NRG4: variants seen among roughly 807,000 people sequenced by gnomAD.
NRG4 encodes the protein pro-neuregulin-4, membrane-bound isoform.
A neutral mutation model predicts 15.0 loss-of-function variants in NRG4; 10 were observed. The observed-to-expected ratio is 0.67, with a 90% CI of 0.41 to 1.13. The LOEUF (loss-of-function observed/expected upper bound fraction) is 1.13. NRG4 is among the 50% of genes most tolerant of loss of function. The pLI, the probability that NRG4 is intolerant of heterozygous loss-of-function variation, is 0.00. For missense variants in NRG4, 139 were observed against 140.2 expected, an observed-to-expected ratio of 0.99 and a Z score of 0.04; for synonymous variants, 41 against 50.1, an observed-to-expected ratio of 0.82 and a Z score of 0.77.
chr15:76,027,713 G>A (rs1031653327), intron 5 of NRG4, among the ~76,000 whole-genome samples: 1 of 151,922 alleles, frequency 6.6e-6, no homozygotes, highest in African/African-American at 2.4e-5. Flanking sequence ...TTTTCAGAAC[G>A]TTTCACCCAA....
At chr15:75,969,178 T>C (rs1302443374) in intron 3 of NRG4, 2 of 456,050 alleles carry the variant, frequency 4.4e-6, no homozygotes, top group Non-Finnish European at 8.8e-6. Flanking sequence ...GAAAATCTCA[T>C]GCCCAACTTG....
intron 3 of NRG4, among the ~76,000 whole-genome samples, chr15:75,967,213 A>G (rs12899204): frequency 0.25 from 37,354 of 151,656 alleles, 5,555 homozygotes; most frequent in Non-Finnish European, 0.33. Context: ...GCCGAGAAAC[A>G]GTGAGAGAAG....
chr15:75,974,660 G>T (rs2033281794), intron 3 of NRG4, among the ~76,000 whole-genome samples: 1 of 152,172 alleles, frequency 6.6e-6, no homozygotes, highest in African/African-American at 2.4e-5. Flanking sequence ...CCATGTAGTT[G>T]TGTGGCTTTG....
At chr15:76,023,999 G>C (rs1198473184) in intron 5 of NRG4, among the ~76,000 whole-genome samples, 1 of 152,192 alleles carries the variant, frequency 6.6e-6, no homozygotes, top group Non-Finnish European at 1.5e-5. Flanking sequence ...ACAAGCCTAG[G>C]ACCTGAGAGA....
intron 4 of NRG4, among the ~76,000 whole-genome samples, chr15:76,038,707 C>G (rs1020228744): frequency 6.6e-6 from 1 of 152,190 alleles, no homozygotes; most frequent in Non-Finnish European, 1.5e-5. Flanking sequence ...GGGAAGGACA[C>G]AAGCCTGGTT....
chr15:75,937,608 C>G (rs2030503019), downstream of NRG4: 1 of 150,774 alleles, frequency 6.6e-6, no homozygotes, highest in Non-Finnish European at 1.5e-5. Context: ...AATGCCCAAT[C>G]ATCTGCAGAA....
At chr15:75,966,094 G>A (rs993044383) in intron 3 of NRG4, among the ~76,000 whole-genome samples, 1 of 151,912 alleles carries the variant, frequency 6.6e-6, no homozygotes, top group South Asian at 2.1e-4. Context: ...TATACAAATT[G>A]GTTTTCTGGC....
intron 5 of NRG4, among the ~76,000 whole-genome samples, chr15:76,031,704 G>T (rs1230938840): frequency 1.3e-5 from 2 of 152,004 alleles, no homozygotes; most frequent in Admixed American, 1.3e-4. Context: ...TCTCTCCAAA[G>T]ATTAGCTGGA....
chr15:76,024,480 A>C (rs956957628), intron 5 of NRG4, among the ~76,000 whole-genome samples: 3 of 152,214 alleles, frequency 2.0e-5, no homozygotes, highest in Non-Finnish European at 4.4e-5. Flanking sequence ...CCCCTGACAG[A>C]CATGCCCTCA....
intron 3 of NRG4, chr15:75,969,160 A>C (rs1480383632): frequency 2.2e-6 from 1 of 455,996 alleles, no homozygotes; most frequent in African/African-American, 2.0e-5. Context: ...ACAACCTTCT[A>C]ATGCAGGGAA....
At chr15:75,955,826 G>A (rs918399943) in intron 5 of NRG4, 106 bp downstream of exon 5, 8 of 545,756 alleles carry the variant, frequency 1.5e-5, no homozygotes, top group South Asian at 6.7e-5. Context: ...GAAAAGTTTA[G>A]GCTCAACCTT....
intron 3 of NRG4, among the ~76,000 whole-genome samples, chr15:75,967,456 A>ATTTTTTTTT (rs71140189): frequency 3.0e-5 from 3 of 100,200 alleles, no homozygotes; most frequent in Non-Finnish European, 3.8e-5. Flanking sequence ...AAAATCTTAG[A>ATTTTTTTTT]TTTTTTTTTT....
intron 5 of NRG4, among the ~76,000 whole-genome samples, chr15:75,952,912 A>C (rs2031995480): frequency 6.6e-6 from 1 of 152,192 alleles, no homozygotes; most frequent in Non-Finnish European, 1.5e-5. Flanking sequence ...TTCAGATCAT[A>C]TGTATAAGTC....
chr15:76,025,230 G>A (rs1317663141), intron 5 of NRG4, among the ~76,000 whole-genome samples: 1 of 151,952 alleles, frequency 6.6e-6, no homozygotes, highest in Admixed American at 6.6e-5. Flanking sequence ...GCGAGGTCAG[G>A]AGATCGAGAC....
At chr15:76,025,238 G>C (rs532862550) in intron 5 of NRG4, among the ~76,000 whole-genome samples, 1 of 152,066 alleles carries the variant, frequency 6.6e-6, no homozygotes, top group Non-Finnish European at 1.5e-5. Flanking sequence ...AGGAGATCGA[G>C]ACCATCCTGG....
chr15:75,980,107 T>C (rs1436029348), intron 3 of NRG4, among the ~76,000 whole-genome samples: 1 of 152,208 alleles, frequency 6.6e-6, no homozygotes, highest in Non-Finnish European at 1.5e-5. Flanking sequence ...TCAAAATACA[T>C]ATATGAGAAA....
At chr15:75,975,905 C>T (rs1430460457) in intron 3 of NRG4, among the ~76,000 whole-genome samples, 1 of 152,146 alleles carries the variant, frequency 6.6e-6, no homozygotes, top group Admixed American at 6.5e-5. Context: ...GCCTGTCTTG[C>T]TAGGTTGGGG....
rs192595762 is a variant in NRG4, at chr15:76,010,768, A to G, written c.10+453T>C. ...ATCAGCATCAAAGGCGTCATCATATATGGTTTTCCACTGAGGGTGGAATGT... is the reference window on the plus strand; with the variant it reads ...ATCAGCATCAAAGGCGTCATCATATGTGGTTTTCCACTGAGGGTGGAATGT... On this transcript the variant is annotated intron_variant, in intron 2 of 5. Coordinates refer to ENST00000394907, the MANE Select transcript of NRG4 (RefSeq NM_138573.4). Among the ~76,000 whole-genome samples the G allele has an allele frequency of 2.9e-3, 438 of 152,260 alleles. 5 individuals are homozygous for G. The highest frequency in any genetic ancestry group is 1.0e-2 in the African/African-American group (415 of 41,582).
intron 5 of NRG4, among the ~76,000 whole-genome samples, chr15:76,017,660 C>T (rs1007649643): frequency 6.6e-6 from 1 of 152,154 alleles, no homozygotes; most frequent in Non-Finnish European, 1.5e-5. Context: ...TATTGGCCCC[C>T]ACTCTCTTCT....
Sources: gnomAD v4.1 joint callset for allele counts (sites outside exome capture counted in the v4.1 genomes callset) on GRCh38, gnomAD v4.1.1 for gene constraint, MANE v1.5 for transcripts, NCBI Gene and HGNC (gene_info 2026-07-23, HGNC 2026-07-21) for gene names.